The following MASP1 variants were observed in gnomAD, a reference collection of about 807,000 sequenced individuals.
MASP1 encodes MBL associated serine protease 1, also known as mannan-binding lectin serine protease 1.
MASP1 carries 59 observed loss-of-function variants against 77.1 expected under a neutral mutation model. The observed-to-expected ratio is 0.77, with a 90% confidence interval of 0.62 to 0.95. MASP1 has a LOEUF of 0.95. Among genes scored for constraint, MASP1 ranks in the 40% least tolerant of loss-of-function variants. The pLI is 0.00. For missense variants in MASP1, 885 were observed against 912.9 expected (o/e 0.97, Z 0.39); for synonymous variants, 362 against 354.5 (o/e 1.02, Z -0.24).
At chr3:187,243,706 C>T in intron 8 of MASP1, 85 bp from the exon 9 acceptor site, 1 of 1,514,154 alleles carries the variant, frequency 6.6e-7, no homozygotes, top group Non-Finnish European at 9.1e-7. Context: ...TGCAGATGTA[C>T]AGGTTGTGCA....
In MASP1 at chr3:187,236,039, C is replaced by T. The variant is rs143010878; in HGVS notation, c.1832G>A (p.Arg611Gln). The change falls in exon 11 of 11, where the codon CGG becomes CAG. Residue 611 changes from arginine (R) to glutamine (Q), a missense_variant. Arg to Gln is a conservative substitution (Grantham distance 43). Coordinates refer to ENST00000296280, the MANE Select transcript of MASP1 (RefSeq NM_139125.4). Reference protein sequence around the residue: ...TVDEIISSGTRTLSDVLQYVK... With the variant: ...TVDEIISSGTQTLSDVLQYVK... ...ATACTGCAGGACATCTGACAAGGTC[C>T]GTGTGCCACTGCTGATGATCTCATC... The T allele has an allele frequency of 5.0e-5, 81 of 1,614,072 alleles. No individual in the cohort carries two copies. The highest frequency in any genetic ancestry group is 6.6e-5 in the Non-Finnish European group (78 of 1,180,060).
intron 1 of MASP1, among the ~76,000 whole-genome samples, chr3:187,289,997 G>C (rs1386882617): frequency 6.6e-6 from 1 of 152,200 alleles, no homozygotes; most frequent in Non-Finnish European, 1.5e-5. Flanking sequence ...CTTTCTCGTA[G>C]TTGCTTGGCT....
At chr3:187,225,598 C>T in intron 12 of MASP1, 4 of 1,376,848 alleles carry the variant, frequency 2.9e-6, no homozygotes, top group Non-Finnish European at 4.1e-6. Flanking sequence ...CAGCCCCATC[C>T]AGCCCTTGCT....
chr3:187,235,194 GAAGGATTAGGCC>G lies in MASP1; in HGVS notation c.*478_*489del. 1 of 1,288,246 alleles carries G rather than the reference GAAGGATTAGGCC, an allele frequency of 7.8e-7. No homozygotes were observed. 79.8% of individuals were successfully genotyped at this position (1,288,246 alleles called of 1,614,324 possible). Reference sequence around the variant, plus strand: ...AAACCTGAATGCTCTTCTCCTAGAGGAAGGATTAGGCCAAGGCTAGTCCCAGAAGGCAGAGCA... The same window carrying G: ...AAACCTGAATGCTCTTCTCCTAGAGGAAGGCTAGTCCCAGAAGGCAGAGCA... On this transcript the variant is annotated 3_prime_UTR_variant, in exon 11 of 11. Transcript: ENST00000296280.
exon 16 of MASP1, chr3:187,218,902 C>T (rs1008845434): frequency 3.3e-5 from 5 of 152,304 alleles, no homozygotes; most frequent in African/African-American, 1.2e-4. Context: ...CGGGGAACGG[C>T]TGCTTGGGGT....
rs9858668 is a variant in MASP1 at position 187,286,676 on chromosome 3, A to G, written c.6-620T>C. On this transcript the variant is annotated intron_variant, in intron 1 of 10. Transcript: ENST00000296280. ...TTGCAAAAGAGACAAGGAAAATTCA[A>G]TAAAACTTACAGAGCACGTCACCAT... Among the ~76,000 whole-genome samples the G allele has an allele frequency of 5.2e-3, 790 of 152,366 alleles. 5 individuals carry two copies. The highest frequency in any genetic ancestry group is 0.018 in the African/African-American group (751 of 41,584).
chr3:187,252,327 G>A (rs1714683859), intron 6 of MASP1, among the ~76,000 whole-genome samples: 1 of 152,138 alleles, frequency 6.6e-6, no homozygotes, highest in Admixed American at 6.5e-5. Context: ...TTGTCCTCTT[G>A]GGCCACCAAG....
chr3:187,219,882 C>T (rs1711931340), exon 16 of MASP1: 2 of 651,602 alleles, frequency 3.1e-6, no homozygotes, highest in Admixed American at 4.4e-5. Context: ...GTGTTCTGAC[C>T]ACTCTCTTGC....
chr3:187,253,224 A>T lies in MASP1; in HGVS notation c.836T>A (p.Phe279Tyr). The T allele has an allele frequency of 1.2e-6, 2 of 1,614,102 alleles. No individual in the cohort carries two copies. The highest frequency in any genetic ancestry group is 1.7e-6 in the Non-Finnish European group (2 of 1,180,014). Residue 279 changes from phenylalanine (F) to tyrosine (Y), a missense_variant, in exon 6 of 11, where the codon TTC (phenylalanine) becomes TAC (tyrosine). Transcript: ENST00000296280. ...GTTCTCTCCCGAGTTGTCACTATGG[A>T]ACAGGATCAGGACACTGTGGCTCTG... ...STQSHSVLILFHSDNSGENRG... is the reference protein window; with the variant it reads ...STQSHSVLILYHSDNSGENRG...
rs776860686 is a variant in MASP1 at position 187,234,165 on chromosome 3, C to A, written c.*1519G>T. 3.0e-5 allele frequency: 38 copies of A among 1,287,078 alleles called. No individual in the cohort carries two copies. Among genetic ancestry groups the A allele is most frequent in the Non-Finnish European group, 3.7e-5 (37 of 988,692 alleles). 79.7% of individuals were successfully genotyped at this position (1,287,078 alleles called of 1,614,324 possible). On this transcript the variant is annotated 3_prime_UTR_variant, in exon 11 of 11. Coordinates refer to ENST00000296280, the MANE Select transcript of MASP1 (RefSeq NM_139125.4). ...AGAGGCCCTTTACAGAATGGTGAAG[C>A]ATATGATATAAAAGATACAAAATAT...
rs1713011950 is a variant in MASP1, at chr3:187,234,876, A to C, written c.*808T>G. ...TTGCTTTGTGCTTGTCTGGAGCAGC[A>C]GGTGTGGACGCCCATGGTGTCAGCT... On this transcript the variant is annotated 3_prime_UTR_variant, in exon 11 of 11. Transcript: ENST00000296280. 3.9e-6 allele frequency: 5 copies of C among 1,287,224 alleles called. No individual in the cohort carries two copies. The highest frequency in any genetic ancestry group is 5.1e-6 in the Non-Finnish European group (5 of 988,688). 79.7% of individuals were successfully genotyped at this position (1,287,224 alleles called of 1,614,324 possible).
At chr3:187,242,042 G>A (rs948772876) in intron 9 of MASP1, 5 of 173,402 alleles carry the variant, frequency 2.9e-5, no homozygotes, top group African/African-American at 4.8e-5. Context: ...GTCCTGGAAG[G>A]CACCTCCGCC....
intron 8 of MASP1, chr3:187,247,523 T>C: frequency 2.1e-6 from 2 of 965,890 alleles, no homozygotes; most frequent in Non-Finnish European, 3.3e-6. Flanking sequence ...TCCACCAGAA[T>C]TGATTAAGAA....
At chr3:187,268,875 G>A (rs1441783835) in intron 2 of MASP1, among the ~76,000 whole-genome samples, 1 of 152,102 alleles carries the variant, frequency 6.6e-6, no homozygotes, top group Admixed American at 6.5e-5. Context: ...GACCAGGCTG[G>A]CCAACATAGT....
At chr3:187,221,335 T>C (rs576731546) in intron 14 of MASP1, among the ~76,000 whole-genome samples, 3 of 152,330 alleles carry the variant, frequency 2.0e-5, no homozygotes, top group Admixed American at 2.0e-4. Context: ...AGGGCAGTCT[T>C]GGCTGTGAAG....
intron 8 of MASP1, among the ~76,000 whole-genome samples, chr3:187,249,121 G>C (rs553694164): frequency 6.6e-6 from 1 of 152,166 alleles, no homozygotes; most frequent in African/African-American, 2.4e-5. Flanking sequence ...GCAGTGGCAC[G>C]ATCTCGGCTC....
At chr3:187,291,286 G>A (rs1251641990) in intron 1 of MASP1, 3 of 436,458 alleles carry the variant, frequency 6.9e-6, no homozygotes, top group Non-Finnish European at 1.3e-5. Flanking sequence ...TCCAGAGGAG[G>A]AACACGGAAA....
At chr3:187,288,971 C>T (rs193055556) in intron 1 of MASP1, among the ~76,000 whole-genome samples, 7 of 152,276 alleles carry the variant, frequency 4.6e-5, no homozygotes, top group Non-Finnish European at 7.4e-5. Flanking sequence ...ATATGCTTGC[C>T]TGCTTGCGTT....
chr3:187,229,188 C>T (rs1712618351), downstream of MASP1, among the ~76,000 whole-genome samples: 1 of 152,220 alleles, frequency 6.6e-6, no homozygotes, highest in South Asian at 2.1e-4. Context: ...CACTCCCACC[C>T]ACATTCCATT....
Sources: allele counts gnomAD v4.1 joint callset (sites outside exome capture counted in the v4.1 genomes callset), GRCh38; gene constraint gnomAD v4.1.1; transcripts MANE v1.5; gene names NCBI Gene and HGNC (gene_info 2026-07-23, HGNC 2026-07-21).